The following BICC1 variants were observed in gnomAD, a reference collection of about 807,000 sequenced individuals.
The protein encoded by BICC1 is BicC family RNA binding protein 1.
In BICC1, 43 loss-of-function variants were observed where a neutral mutation model predicts 111.0. The ratio of observed to expected loss-of-function variants is 0.39; its 90% confidence interval spans 0.30 to 0.50. The LOEUF is 0.50. Among genes scored for constraint, BICC1 ranks in the 20% least tolerant of loss-of-function variants. The pLI is 0.88. For missense variants in BICC1, 1,091 were observed against 1,203.2 expected (o/e 0.91, Z 1.38); for synonymous variants, 467 against 434.4 (o/e 1.07, Z -0.93).
At chr10:58,557,342 G>A (rs1376380012) in intron 1 of BICC1, among the ~76,000 whole-genome samples, 1 of 112,174 alleles carries the variant, frequency 8.9e-6, no homozygotes, top group African/African-American at 2.9e-5. Flanking sequence ...ATATGACAGC[G>A]TCTTTTTTTT....
At chr10:58,535,173 A>C (rs1842793502) in intron 1 of BICC1, among the ~76,000 whole-genome samples, 1 of 151,716 alleles carries the variant, frequency 6.6e-6, no homozygotes, top group Admixed American at 6.6e-5. Context: ...TGAGGGAATA[A>C]TTGAGGAAAA....
chr10:58,519,483 C>G (rs1842334854), intron 1 of BICC1, among the ~76,000 whole-genome samples: 1 of 152,138 alleles, frequency 6.6e-6, no homozygotes, highest in Non-Finnish European at 1.5e-5. Flanking sequence ...CATTAGGACT[C>G]AAAATTGCAA....
intron 17 of BICC1, among the ~76,000 whole-genome samples, chr10:58,809,474 A>G (rs2132918636): frequency 6.6e-6 from 1 of 152,228 alleles, no homozygotes; most frequent in Admixed American, 6.5e-5. Context: ...TGCTGGGCTC[A>G]AGCAATCCAC....
chr10:58,610,300 C>G lies in BICC1; in HGVS notation c.191-10555C>G, dbSNP rs184364712. 1.1e-3 allele frequency among the ~76,000 whole-genome samples: 167 copies of G among 152,196 alleles called. 1 individual carries two copies. Among genetic ancestry groups the G allele is most frequent in the Admixed American group, 9.9e-3 (151 of 15,284 alleles). ...TGTTGTGCCCTGAGTGTGACAGGGTCAGCACTGTCTTAGATTGTTCCTGGC... is the reference window on the plus strand; with the variant it reads ...TGTTGTGCCCTGAGTGTGACAGGGTGAGCACTGTCTTAGATTGTTCCTGGC... On this transcript the variant is annotated intron_variant, in intron 1 of 20. Transcript: ENST00000373886.
At chr10:58,553,007 A>G (rs541409188) in intron 1 of BICC1, among the ~76,000 whole-genome samples, 36 of 152,238 alleles carry the variant, frequency 2.4e-4, no homozygotes, top group African/African-American at 7.5e-4. Flanking sequence ...CTGTGTTTAT[A>G]TATTTTTTCC....
At chr10:58,700,435 A>G (rs1840197604) in intron 2 of BICC1, among the ~76,000 whole-genome samples, 1 of 152,108 alleles carries the variant, frequency 6.6e-6, no homozygotes, top group Non-Finnish European at 1.5e-5. Context: ...GTTTAGACTT[A>G]ACTAACCAAG....
At chr10:58,623,227 A>C (rs1845881338) in intron 2 of BICC1, among the ~76,000 whole-genome samples, 1 of 152,232 alleles carries the variant, frequency 6.6e-6, no homozygotes, top group Non-Finnish European at 1.5e-5. Flanking sequence ...TTTTCGAATT[A>C]GAAAATAATA....
intron 6 of BICC1, 78 bp from the exon 7 acceptor site, chr10:58,789,184 A>C: frequency 8.2e-7 from 1 of 1,225,532 alleles, no homozygotes; most frequent in South Asian, 1.5e-5. Flanking sequence ...TCTTCAGAAA[A>C]GAACCAATGA....
chr10:58,830,172 A>C lies in BICC1; in HGVS notation c.*1281A>C, dbSNP rs1448472872. 6.6e-6 allele frequency: 1 copy of C among 152,114 alleles called. No homozygotes were observed. The highest frequency in any genetic ancestry group is 1.5e-5 in the Non-Finnish European group (1 of 68,016). The allele number at this position is 152,114 out of a possible 1,614,324, so 9.4% of individuals were successfully genotyped here. Reference sequence around the variant, plus strand: ...AAGGAAAAAAAAAATATATCTTTTTAAGTGGCTAGAGTCATTATTACAATC... The same window carrying C: ...AAGGAAAAAAAAAATATATCTTTTTCAGTGGCTAGAGTCATTATTACAATC... On this transcript the variant is annotated 3_prime_UTR_variant, in exon 21 of 21. Coordinates refer to ENST00000373886, the MANE Select transcript of BICC1 (RefSeq NM_001080512.3).
intron 3 of BICC1, among the ~76,000 whole-genome samples, chr10:58,732,831 C>T (rs769405839): frequency 7.9e-5 from 12 of 151,824 alleles, no homozygotes; most frequent in South Asian, 2.1e-4. Flanking sequence ...TGTGATGCTC[C>T]GAAACAATTT....
At chr10:58,740,345 G>A (rs1363643073) in intron 3 of BICC1, among the ~76,000 whole-genome samples, 5 of 152,166 alleles carry the variant, frequency 3.3e-5, no homozygotes, top group Non-Finnish European at 7.4e-5. Context: ...TTATATTTTG[G>A]AAACTTATCA....
chr10:58,629,859 A>G lies in BICC1; in HGVS notation c.237+8958A>G, dbSNP rs540227483. ...TGCGTTAAAATTTGTTTTTTGGCCA[A>G]TTCAATTCTTTAACCTTTAGGCACT... On this transcript the variant is annotated intron_variant, in intron 2 of 20. Coordinates refer to ENST00000373886, the MANE Select transcript of BICC1 (RefSeq NM_001080512.3). Among the ~76,000 whole-genome samples, 20 of 152,116 alleles carry G rather than the reference A, an allele frequency of 1.3e-4. No homozygotes were observed. The South Asian group carries it at 3.9e-3, about 30-fold the overall frequency.
intron 1 of BICC1, among the ~76,000 whole-genome samples, chr10:58,589,255 CCTT>C (rs1844526438): frequency 6.6e-6 from 1 of 152,140 alleles, no homozygotes; most frequent in African/African-American, 2.4e-5. Flanking sequence ...CCGGGGATCA[CCTT>C]CTGCATAAAT....
chr10:58,537,965 C>A (rs1279649675), intron 1 of BICC1, among the ~76,000 whole-genome samples: 1 of 151,664 alleles, frequency 6.6e-6, no homozygotes, highest in African/African-American at 2.4e-5. Context: ...CTAAATAAAT[C>A]ACAGGTGACA....
intron 3 of BICC1, among the ~76,000 whole-genome samples, chr10:58,757,117 G>A (rs577106605): frequency 5.3e-5 from 8 of 152,148 alleles, no homozygotes; most frequent in African/African-American, 1.4e-4. Flanking sequence ...AGGACTTATC[G>A]TGTAACCCGC....
At chr10:58,551,154 T>G (rs555365116) in intron 1 of BICC1, among the ~76,000 whole-genome samples, 11 of 152,304 alleles carry the variant, frequency 7.2e-5, no homozygotes, top group Non-Finnish European at 1.5e-4. Context: ...TTTTAAAATT[T>G]GTTGTTCACT....
chr10:58,715,645 A>C, intron 3 of BICC1: 2 of 1,605,530 alleles, frequency 1.2e-6, no homozygotes, highest in Non-Finnish European at 1.7e-6. Flanking sequence ...CCAACAATAC[A>C]GGATTATCTG....
At chr10:58,827,743 C>T (rs2133001549) in intron 20 of BICC1, among the ~76,000 whole-genome samples, 1 of 152,176 alleles carries the variant, frequency 6.6e-6, no homozygotes, top group Admixed American at 6.5e-5. Flanking sequence ...CATATAGAAA[C>T]ATTTTTAAAG....
At chr10:58,769,011 A>T (rs764160785) in intron 3 of BICC1, among the ~76,000 whole-genome samples, 4 of 152,106 alleles carry the variant, frequency 2.6e-5, no homozygotes, top group Admixed American at 1.3e-4. Context: ...CCTGGAGGAC[A>T]TTATGTTAAG....
Sources: allele counts gnomAD v4.1 joint callset (sites outside exome capture counted in the v4.1 genomes callset), GRCh38; gene constraint gnomAD v4.1.1; transcripts MANE v1.5; gene names NCBI Gene and HGNC (gene_info 2026-07-23, HGNC 2026-07-21).